Variants in SKOR1 observed in about 807,000 individuals in gnomAD.
SKOR1 encodes the protein LBX1 corepressor 1.
A neutral mutation model predicts 72.4 loss-of-function variants in SKOR1; 38 were observed. The observed-to-expected ratio is 0.52, with a 90% CI of 0.40 to 0.69. The LOEUF (loss-of-function observed/expected upper bound fraction) is 0.69. Ranked by LOEUF, SKOR1 falls within the 30% of genes least tolerant of loss-of-function variation. The pLI is 0.00. For missense variants in SKOR1, 1,320 were observed against 1,343.2 expected, an observed-to-expected ratio of 0.98 and a Z score of 0.27; for synonymous variants, 642 against 599.4, an observed-to-expected ratio of 1.07 and a Z score of -1.04.
chr15:67,832,239 C>A lies in SKOR1; in HGVS notation c.2588-35C>A. The A allele has an allele frequency of 6.2e-7, 1 of 1,603,336 alleles. No individual in the cohort carries two copies. The highest frequency in any genetic ancestry group is 8.5e-7 in the Non-Finnish European group (1 of 1,170,514). On this transcript the variant is annotated intron_variant, in intron 5 of 8. Transcript: ENST00000380035. This position sits in a 1 kb window ranked among gnomAD's most constrained non-coding sequence, Gnocchi z 4.5. ...TGAGCTCCAAATAACCCTGCTTTAC[C>A]TCCCACTTTACCTCCCACTTTTCCC... is the stretch of plus-strand genomic sequence containing the variant.
Position 67,833,983 on chromosome 15 carries a change from C to A in SKOR1, c.*147C>A. 1.1e-6 allele frequency: 1 copy of A among 913,566 alleles called. No individual in the cohort carries two copies. 56.6% of individuals were successfully genotyped at this position (913,566 alleles called of 1,614,324 possible). ...CGTCCGCCCGCCTTCCTCCCGGGCT[C>A]CCCGGCCTTGCCCGCCCCCTCCCGG... On this transcript the variant is annotated 3_prime_UTR_variant, in exon 9 of 9. Transcript: ENST00000380035. This position sits in a 1 kb window ranked among gnomAD's most constrained non-coding sequence, Gnocchi z 6.0.
At chr15:67,830,434 G>A (rs1474965122) in intron 4 of SKOR1, 136 bp downstream of exon 4, 15 of 770,960 alleles carry the variant, frequency 1.9e-5, no homozygotes, top group Non-Finnish European at 2.8e-5. Flanking sequence ...TCGGCGAGCA[G>A]ATAAATATTT....
chr15:67,830,164 C>T, intron 3 of SKOR1, 27 bp from the exon 4 acceptor site: 8 of 1,611,946 alleles, frequency 5.0e-6, no homozygotes, highest in Non-Finnish European at 6.8e-6. Context: ...CTTTGCCTCT[C>T]TTGAAATTCG....
rs2090974554 is a variant in SKOR1 at position 67,827,697 on chromosome 15, G to T, written c.1869G>T (p.Gly623=). ...REAYGAGPAR[G]PGPGAGSGGY... is the part of the protein sequence containing the mutation. ...CGTACGGCGCGGGGCCTGCTCGGGGGCCGGGACCCGGCGCTGGGAGCGGCG... is the reference window on the plus strand; with the variant it reads ...CGTACGGCGCGGGGCCTGCTCGGGGTCCGGGACCCGGCGCTGGGAGCGGCG... The change falls in exon 2 of 9, where the codon GGG becomes GGT. Residue 623 remains glycine, a synonymous_variant. Coordinates refer to ENST00000380035, the MANE Select transcript of SKOR1 (RefSeq NM_001365915.1). 1.3e-6 allele frequency: 2 copies of T among 1,537,932 alleles called. No homozygotes were observed. The highest frequency in any genetic ancestry group is 2.4e-5 in the South Asian group (2 of 82,584).
rs1219918355 is a variant in SKOR1, at chr15:67,828,051, G to A, written c.2223G>A (p.Leu741=). The A allele has an allele frequency of 1.9e-6, 3 of 1,538,662 alleles. No homozygotes were observed. The highest frequency in any genetic ancestry group is 2.8e-5 in the African/African-American group (2 of 72,214). ...PAFGDLAAED[L]VRRPERSPPS... ...TTGGGGACTTGGCAGCCGAAGACTT[G>A]GTGCGGAGACCTGAGAGGAGCCCGC... is the stretch of plus-strand genomic sequence containing the variant. Residue 741 remains leucine (L), a synonymous_variant, in exon 2 of 9, where the codon TTG becomes TTA. Coordinates refer to ENST00000380035, the MANE Select transcript of SKOR1 (RefSeq NM_001365915.1).
At position 67,827,778 on chromosome 15, in the gene SKOR1, G is replaced by A; in HGVS notation, c.1950G>A (p.Ser650=). Residue 650 remains serine (S), a synonymous_variant, in exon 2 of 9, where the codon TCG becomes TCA. Transcript: ENST00000380035. ...SEGSSSYNSA[S]PDVDTADEPE... ...GCAGCTCCAGCTACAATTCCGCCTC[G>A]CCCGACGTGGACACCGCGGACGAGC... 1 of 1,561,690 alleles carries A rather than the reference G, an allele frequency of 6.4e-7. No individual in the cohort carries two copies. The highest frequency in any genetic ancestry group is 8.7e-7 in the Non-Finnish European group (1 of 1,152,900).
chr15:67,830,198 T>G lies in SKOR1; in HGVS notation c.2415T>G (p.Asp805Glu). The G allele has an allele frequency of 6.2e-7, 1 of 1,614,082 alleles. No individual in the cohort carries two copies. The highest frequency in any genetic ancestry group is 8.5e-7 in the Non-Finnish European group (1 of 1,179,992). ...CGGTTTGTTGCCTTCAAGAGCCAGA[T>G]AAGGAAGACAATCACTCGCCCGCCG... Reference protein sequence around the residue: ...YVCTPEAHEPDKEDNHSPADD... With the variant: ...YVCTPEAHEPEKEDNHSPADD... Residue 805 changes from aspartate to glutamate, a missense_variant, in exon 4 of 9, where the codon GAT (aspartate) becomes GAG (glutamate). By Grantham distance (45) the Asp-to-Glu change is conservative. Coordinates refer to ENST00000380035, the MANE Select transcript of SKOR1 (RefSeq NM_001365915.1).
Position 67,833,944 on chromosome 15 carries a change from TAA to T in SKOR1, c.*110_*111del. On this transcript the variant is annotated 3_prime_UTR_variant, in exon 9 of 9. Transcript: ENST00000380035. The surrounding 1 kb of genome is among the most constrained non-coding windows in gnomAD (Gnocchi z 6.0). The stretch of plus-strand genomic sequence containing the variant: ...ACAAGCCATTCGGACCCGACCGATG[TAA>T]ATACAGCCGCCCGTCCGCCCGCCTT... 8.2e-7 allele frequency: 1 copy of T among 1,219,864 alleles called. No individual in the cohort carries two copies. Among genetic ancestry groups the T allele is most frequent in the Admixed American group, 1.8e-5 (1 of 55,468 alleles). 75.6% of individuals were successfully genotyped at this position (1,219,864 alleles called of 1,614,324 possible).
At position 67,833,211 on chromosome 15, in the gene SKOR1, C is replaced by G; in HGVS notation, c.2757C>G (p.Leu919=). The G allele has an allele frequency of 1.2e-6, 2 of 1,614,062 alleles. No individual in the cohort carries two copies. Among genetic ancestry groups the G allele is most frequent in the Non-Finnish European group, 1.7e-6 (2 of 1,180,012 alleles). ...TTCCAGATACCCTGTGTAACGAACT[C>G]GACCAGGAGCGGAAGGCGCGCTATG... The part of the protein sequence containing the change: ...QIVRDTLCNE[L]DQERKARYAI... The change falls in exon 8 of 9, where the codon CTC becomes CTG. Residue 919 remains leucine (L), a synonymous_variant. Transcript: ENST00000380035. The surrounding 1 kb of genome is among the most constrained non-coding windows in gnomAD (Gnocchi z 6.0).
intron 3 of SKOR1, 79 bp downstream of exon 3, chr15:67,829,348 G>A: frequency 1.6e-6 from 2 of 1,221,318 alleles, no homozygotes; most frequent in Non-Finnish European, 2.3e-6. Context: ...GGCCTGCGAA[G>A]GAAGACAAGG....
chr15:67,831,257 G>A (rs2091006226), intron 5 of SKOR1, among the ~76,000 whole-genome samples: 1 of 152,234 alleles, frequency 6.6e-6, no homozygotes, highest in Non-Finnish European at 1.5e-5. Flanking sequence ...TGAATTCAAT[G>A]GAAAACAGGA....
rs4776984 is a variant in SKOR1 at position 67,825,856 on chromosome 15, A to T, written c.108-80A>T. On this transcript the variant is annotated intron_variant, in intron 1 of 8. Transcript: ENST00000380035. The surrounding 1 kb of genome is among the most constrained non-coding windows in gnomAD (Gnocchi z 5.6). The stretch of plus-strand genomic sequence containing the variant: ...AGTATCCCCCGCGCGCCCAACTCGG[A>T]GCGCCCTGCTGGGCGGGCCCGAGCC... 6.6e-7 allele frequency: 1 copy of T among 1,511,942 alleles called. No individual in the cohort carries two copies. Among genetic ancestry groups the T allele is most frequent in the African/African-American group, 1.4e-5 (1 of 71,748 alleles). The allele number at this position is 1,511,942 out of a possible 1,614,324, so 93.7% of individuals were successfully genotyped here. A position where few individuals can be genotyped will look rare whatever the true frequency, so the allele number is the denominator to read the frequency against.
chr15:67,833,785 G>A lies in SKOR1; in HGVS notation c.2847G>A (p.Thr949=). The change falls in exon 9 of 9, where the codon ACG becomes ACA. Residue 949 remains threonine (T), a synonymous_variant. Coordinates refer to ENST00000380035, the MANE Select transcript of SKOR1 (RefSeq NM_001365915.1). This position sits in a 1 kb window ranked among gnomAD's most constrained non-coding sequence, Gnocchi z 6.0. ...ACCATTTCTCCTGCAAGATGCTGAC[G>A]CCCCGCCACTGCACTGGCAACTGCT... ...ALHHFSCKML[T]PRHCTGNCSF... is the part of the protein sequence containing the mutation. 6.2e-7 allele frequency: 1 copy of A among 1,613,016 alleles called. No homozygotes were observed. Among genetic ancestry groups the A allele is most frequent in the South Asian group, 1.1e-5 (1 of 91,084 alleles).
chr15:67,827,896 G>C lies in SKOR1; in HGVS notation c.2068G>C (p.Asp690His). ...PSAPSAGGGPDGEQPTGPPSA... is the reference protein window; with the variant it reads ...PSAPSAGGGPHGEQPTGPPSA... ...CGCACCCAGCGCAGGGGGCGGCCCA[G>C]ACGGTGAACAGCCCACTGGACCCCC... Residue 690 changes from aspartate (D) to histidine (H), a missense_variant, in exon 2 of 9, where the codon GAC (aspartate) becomes CAC (histidine). By Grantham distance (81) the Asp-to-His change is moderately conservative. Coordinates refer to ENST00000380035, the MANE Select transcript of SKOR1 (RefSeq NM_001365915.1). The C allele has an allele frequency of 6.2e-7, 1 of 1,600,030 alleles. No individual in the cohort carries two copies. Among genetic ancestry groups the C allele is most frequent in the Non-Finnish European group, 8.5e-7 (1 of 1,174,436 alleles).
chr15:67,830,380 A>C lies in SKOR1; in HGVS notation c.2515+82A>C, dbSNP rs191899268. 2.2e-4 allele frequency: 263 copies of C among 1,200,840 alleles called. 2 individuals carry two copies. In the East Asian group the frequency reaches 6.3e-3, roughly 29 times the overall value. The allele number at this position is 1,200,840 out of a possible 1,614,324, so 74.4% of individuals were successfully genotyped here. A position where few individuals can be genotyped will look rare whatever the true frequency, so the allele number is the denominator to read the frequency against. ...TCGCCCAGGTTCCCAGAGGCTTGCG[A>C]GAAAGGCTTTTAATCAAGTGTAAGC... On this transcript the variant is annotated intron_variant, in intron 4 of 8. Coordinates refer to ENST00000380035, the MANE Select transcript of SKOR1 (RefSeq NM_001365915.1).
In SKOR1 at chr15:67,827,241, C is replaced by G; in HGVS notation, c.1413C>G (p.Asp471Glu). ...WGHQPSGAAK[D>E]AAAVAAAAAA... ...ATCAACCCTCCGGGGCAGCCAAGGA[C>G]GCAGCGGCAGTGGCTGCAGCGGCCG... The change falls in exon 2 of 9, where the codon GAC (aspartate) becomes GAG (glutamate). Residue 471 changes from aspartate (D) to glutamate (E), a missense_variant. This residue lies in a region of SKOR1 where 1,099 missense variants were observed against 1,025.5 expected (regional missense o/e 1.07). Coordinates refer to ENST00000380035, the MANE Select transcript of SKOR1 (RefSeq NM_001365915.1). 1 of 1,575,106 alleles carries G rather than the reference C, an allele frequency of 6.3e-7. No individual in the cohort carries two copies. Among genetic ancestry groups the G allele is most frequent in the Non-Finnish European group, 8.6e-7 (1 of 1,168,992 alleles).
chr15:67,828,451 G>T (rs965438377), intron 2 of SKOR1, among the ~76,000 whole-genome samples: 3 of 152,240 alleles, frequency 2.0e-5, no homozygotes, highest in Non-Finnish European at 4.4e-5. Flanking sequence ...AGACAGAAAA[G>T]GGGTGTGGAG....
chr15:67,826,915 C>T lies in SKOR1; in HGVS notation c.1087C>T (p.Pro363Ser). 1.9e-6 allele frequency: 3 copies of T among 1,559,476 alleles called. No homozygotes were observed. The highest frequency in any genetic ancestry group is 1.2e-5 in the South Asian group (1 of 86,152). The change falls in exon 2 of 9, where the codon CCC becomes TCC. Residue 363 changes from proline (P) to serine (S), a missense_variant. By Grantham distance (74) the Pro-to-Ser change is moderately conservative. Transcript: ENST00000380035. ...TAGTGGCCCGGCGGGCCCAGGAGGGCCCGGTGGCGGCGCCGGCGTACGAAG... is the reference window on the plus strand; with the variant it reads ...TAGTGGCCCGGCGGGCCCAGGAGGGTCCGGTGGCGGCGCCGGCGTACGAAG... ...GASGPAGPGG[P>S]GGGAGVRSYP... is the part of the protein sequence containing the mutation.
chr15:67,833,273 A>G lies in SKOR1; in HGVS notation c.2803+16A>G, dbSNP rs1445109044. On this transcript the variant is annotated intron_variant, in intron 8 of 8. Transcript: ENST00000380035. This position sits in a 1 kb window ranked among gnomAD's most constrained non-coding sequence, Gnocchi z 6.0. ...AAATTGAAAGGTGCGGAAGCCGGGAAACAAAGATAGGAGGGGTGCTGGGTG... is the reference window on the plus strand; with the variant it reads ...AAATTGAAAGGTGCGGAAGCCGGGAGACAAAGATAGGAGGGGTGCTGGGTG... The G allele has an allele frequency of 1.2e-6, 2 of 1,613,880 alleles. No individual in the cohort carries two copies. Among genetic ancestry groups the G allele is most frequent in the Admixed American group, 3.3e-5 (2 of 60,026 alleles).
Sources: allele counts gnomAD v4.1 joint callset (sites outside exome capture counted in the v4.1 genomes callset), GRCh38; gene constraint gnomAD v4.1.1; regional missense constraint gnomAD v4.1.1; non-coding constraint Gnocchi (gnomAD v3.1); transcripts MANE v1.5; gene names NCBI Gene and HGNC (gene_info 2026-07-23, HGNC 2026-07-21).